WDR49: variants seen among roughly 807,000 people sequenced by gnomAD.
WDR49 encodes WD repeat domain 49.
In WDR49, 107 loss-of-function variants were observed where a neutral mutation model predicts 119.5. The observed-to-expected ratio is 0.90, with a 90% CI of 0.77 to 1.05. The LOEUF (loss-of-function observed/expected upper bound fraction) is 1.05, where lower values mean the gene tolerates loss of function less well. Ranked by LOEUF, WDR49 falls within the 50% of genes least tolerant of loss-of-function variation. The pLI is 0.00. For missense variants in WDR49, 1,240 were observed against 1,220.5 expected, an observed-to-expected ratio of 1.02 and a Z score of -0.24; for synonymous variants, 425 against 418.8, an observed-to-expected ratio of 1.01 and a Z score of -0.18.
intron 8 of WDR49, among the ~76,000 whole-genome samples, chr3:167,570,746 A>G (rs1029697671): frequency 6.6e-6 from 1 of 152,204 alleles, no homozygotes; most frequent in Non-Finnish European, 1.5e-5. Context: ...CTGCAATTAA[A>G]TGATGATAAG....
At chr3:167,543,001 G>T (rs1463435619) in intron 10 of WDR49, among the ~76,000 whole-genome samples, 4 of 151,878 alleles carry the variant, frequency 2.6e-5, no homozygotes, top group Non-Finnish European at 5.9e-5. Context: ...ATCATTCAAG[G>T]CAACTATGAA....
intron 16 of WDR49, among the ~76,000 whole-genome samples, chr3:167,518,703 T>C (rs1752313537): frequency 6.6e-6 from 1 of 151,574 alleles, no homozygotes. Flanking sequence ...ACTCTGATGG[T>C]AGTTTCTTTT....
intron 5 of WDR49, among the ~76,000 whole-genome samples, chr3:167,607,487 C>T (rs977733306): frequency 2.6e-5 from 4 of 152,156 alleles, no homozygotes; most frequent in African/African-American, 9.7e-5. Flanking sequence ...ACTCTGGGTG[C>T]TCTCACCCTA....
chr3:167,508,472 G>A (rs1751852301), intron 16 of WDR49, among the ~76,000 whole-genome samples: 1 of 152,102 alleles, frequency 6.6e-6, no homozygotes. Flanking sequence ...AATTAAATGA[G>A]GTAAACACAT....
At chr3:167,538,767 A>G (rs73878741) in intron 10 of WDR49, among the ~76,000 whole-genome samples, 165 of 152,296 alleles carry the variant, frequency 1.1e-3, no homozygotes, top group African/African-American at 3.5e-3. Flanking sequence ...GAAATCAAAG[A>G]AGGCTGAGTT....
intron 10 of WDR49, among the ~76,000 whole-genome samples, chr3:167,552,161 T>TA (rs917777233): frequency 5.3e-5 from 8 of 151,520 alleles, no homozygotes; most frequent in Non-Finnish European, 1.0e-4. Flanking sequence ...AACTAGAAAA[T>TA]AAAAGAATAT....
intron 2 of WDR49, among the ~76,000 whole-genome samples, chr3:167,630,514 T>A (rs904926718): frequency 6.6e-6 from 1 of 152,096 alleles, no homozygotes; most frequent in Non-Finnish European, 1.5e-5. Context: ...GGTATGCCTG[T>A]CAAGTGGTTG....
Position 167,604,480 on chromosome 3 carries a change from T to C in WDR49, c.959-12A>G, listed in dbSNP as rs781556769. The C allele has an allele frequency of 1.6e-5, 25 of 1,577,232 alleles. No individual in the cohort carries two copies. The African/African-American group carries it at 2.5e-4, about 16-fold the overall frequency. On this transcript the variant is annotated splice_polypyrimidine_tract_variant and intron_variant, in intron 5 of 18. Coordinates refer to ENST00000682715, the MANE Select transcript of WDR49 (RefSeq NM_001366157.1). ...TGCATTGTAAGTAACTGATAAAAAATTAAAAAGAGAAAAACAATCTTTAGT... is the reference window on the plus strand; with the variant it reads ...TGCATTGTAAGTAACTGATAAAAAACTAAAAAGAGAAAAACAATCTTTAGT...
intron 2 of WDR49, among the ~76,000 whole-genome samples, chr3:167,635,741 G>A (rs1057504586): frequency 1.3e-5 from 2 of 151,526 alleles, no homozygotes; most frequent in Non-Finnish European, 3.0e-5. Context: ...TTTGTTTCCA[G>A]ATCCTGAAAA....
At chr3:167,483,416 A>T (rs2108189206) in intron 18 of WDR49, among the ~76,000 whole-genome samples, 1 of 152,328 alleles carries the variant, frequency 6.6e-6, no homozygotes, top group East Asian at 1.9e-4. Flanking sequence ...AAGGCCATTA[A>T]CCCAATAGCT....
At chr3:167,502,038 G>T (rs960909481) in intron 17 of WDR49, among the ~76,000 whole-genome samples, 2 of 152,084 alleles carry the variant, frequency 1.3e-5, no homozygotes, top group African/African-American at 4.8e-5. Context: ...CTGGATTATG[G>T]GCACATATTT....
intron 11 of WDR49, among the ~76,000 whole-genome samples, chr3:167,534,180 G>A (rs1752943946): frequency 6.6e-6 from 1 of 152,040 alleles, no homozygotes; most frequent in South Asian, 2.1e-4. Flanking sequence ...GGGCGACAGA[G>A]TGAGACTCCA....
intron 11 of WDR49, among the ~76,000 whole-genome samples, chr3:167,533,574 A>G (rs1203648455): frequency 6.6e-6 from 1 of 151,902 alleles, no homozygotes; most frequent in African/African-American, 2.4e-5. Context: ...TCTTCTCTTC[A>G]TACTTTCCCT....
intron 7 of WDR49, among the ~76,000 whole-genome samples, chr3:167,591,026 TTC>T (rs1226524120): frequency 6.6e-6 from 1 of 152,024 alleles, no homozygotes; most frequent in Admixed American, 6.6e-5. Context: ...TTGAAGTTTT[TTC>T]TCTTTTTTGA....
chr3:167,640,358 G>T (rs116285539), intron 2 of WDR49, among the ~76,000 whole-genome samples: 14 of 151,610 alleles, frequency 9.2e-5, no homozygotes, highest in Non-Finnish European at 1.3e-4. Flanking sequence ...ACCATCTTCC[G>T]TTGACATTGC....
chr3:167,485,965 G>A (rs1750903848), intron 18 of WDR49, among the ~76,000 whole-genome samples: 1 of 151,556 alleles, frequency 6.6e-6, no homozygotes, highest in African/African-American at 2.4e-5. Context: ...ATTCACCAAG[G>A]TCAATGCAAA....
rs187299012 is a variant in WDR49, at chr3:167,520,934, G to C, written c.2774+1381C>G. Among the ~76,000 whole-genome samples, 266 of 152,136 alleles carry C rather than the reference G, an allele frequency of 1.7e-3. 2 individuals are homozygous for C. Among genetic ancestry groups the C allele is most frequent in the Non-Finnish European group, 2.9e-3 (197 of 67,980 alleles). Reference sequence around the variant, plus strand: ...ACCCACTCCATTGGAGGGGAGGAAAGCTTTTCTCTTTTTCATTTCTAGCCT... The same window carrying C: ...ACCCACTCCATTGGAGGGGAGGAAACCTTTTCTCTTTTTCATTTCTAGCCT... On this transcript the variant is annotated intron_variant, in intron 16 of 18. Transcript: ENST00000682715.
At chr3:167,532,219 C>T (rs1370680729) in intron 12 of WDR49, among the ~76,000 whole-genome samples, 1 of 152,110 alleles carries the variant, frequency 6.6e-6, no homozygotes, top group Non-Finnish European at 1.5e-5. Flanking sequence ...TGAGTTTATT[C>T]AGTTGAGACA....
intron 16 of WDR49, among the ~76,000 whole-genome samples, chr3:167,522,077 AAGACT>A (rs1752470189): frequency 6.6e-6 from 1 of 152,126 alleles, no homozygotes. Context: ...GTAGCAGTAA[AAGACT>A]AGATGGCACT....
Sources: allele counts gnomAD v4.1 joint callset (sites outside exome capture counted in the v4.1 genomes callset), GRCh38; gene constraint gnomAD v4.1.1; transcripts MANE v1.5; gene names NCBI Gene and HGNC (gene_info 2026-07-23, HGNC 2026-07-21).